RANBP2: variants seen among roughly 807,000 people sequenced by gnomAD.
The protein encoded by RANBP2 is RAN binding protein 2, also known as E3 SUMO-protein ligase RanBP2.
A neutral mutation model predicts 303.6 loss-of-function variants in RANBP2; 57 were observed. That is an observed-to-expected ratio of 0.19 (90% CI 0.15 to 0.23). The LOEUF is 0.23. Ranked by LOEUF, RANBP2 falls within the 10% of genes least tolerant of loss-of-function variation. The pLI is 1.00. For synonymous variants in RANBP2, 1,167 were observed against 1,301.5 expected, an observed-to-expected ratio of 0.90 and a Z score of 2.23; for missense variants, 3,138 against 3,780.8, an observed-to-expected ratio of 0.83 and a Z score of 4.46.
In RANBP2 at chr2:108,783,608, A is replaced by G. The variant is rs1231282310; in HGVS notation, c.9382A>G (p.Thr3128Ala). 1.9e-6 allele frequency: 3 copies of G among 1,610,654 alleles called. No individual in the cohort carries two copies. Among genetic ancestry groups the G allele is most frequent in the Non-Finnish European group, 2.5e-6 (3 of 1,178,014 alleles). Reference sequence around the variant, plus strand: ...ATCTTTTTTTCAGGGAGGAGATATCACCAAACATGATGGAACAGGCGGACA... The same window carrying G: ...ATCTTTTTTTCAGGGAGGAGATATCGCCAAACATGATGGAACAGGCGGACA... ...PDFVCQGGDI[T>A]KHDGTGGQSI... Residue 3128 changes from threonine (T) to alanine (A), a missense_variant, in exon 29 of 29, where the codon ACC (threonine) becomes GCC (alanine). By Grantham distance (58) the Thr-to-Ala change is moderately conservative. This residue lies in a region of RANBP2 where 204 missense variants were observed against 228.4 expected (regional missense o/e 0.89). Transcript: ENST00000283195.
chr2:109,419,897 C>T, the RANBP2 span, among the ~76,000 whole-genome samples: 4 of 152,190 alleles, frequency 2.6e-5, no homozygotes, highest in Non-Finnish European at 5.9e-5. Context: ...GTGCAGTTCC[C>T]AGTCAACAGG....
At chr2:109,416,240 T>C in the RANBP2 span, among the ~76,000 whole-genome samples, 3 of 152,142 alleles carry the variant, frequency 2.0e-5, no homozygotes, top group Non-Finnish European at 4.4e-5. Context: ...CCAGCCCAGG[T>C]TGGGTACCTG....
the RANBP2 span, among the ~76,000 whole-genome samples, chr2:109,306,087 T>G: frequency 2.6e-5 from 4 of 152,212 alleles, no homozygotes; most frequent in Non-Finnish European, 4.4e-5. Flanking sequence ...GGGATATTGC[T>G]TTTGTCTACC....
the RANBP2 span, among the ~76,000 whole-genome samples, chr2:109,212,971 C>T: frequency 2.6e-5 from 4 of 152,184 alleles, no homozygotes; most frequent in African/African-American, 9.6e-5. Context: ...ATGCTGCCCA[C>T]ACATCCCAGG....
chr2:108,817,330 G>A, the RANBP2 span, among the ~76,000 whole-genome samples: 7 of 150,494 alleles, frequency 4.7e-5, no homozygotes, highest in Non-Finnish European at 7.4e-5. Flanking sequence ...GTTTTGCTCT[G>A]TTGCCAGGCT....
the RANBP2 span, among the ~76,000 whole-genome samples, chr2:109,501,269 C>G: frequency 6.6e-6 from 1 of 151,948 alleles, no homozygotes; most frequent in African/African-American, 2.4e-5. Context: ...CCAGCTTCTT[C>G]GTAGATCAGC....
At chr2:108,815,210 A>G in the RANBP2 span, among the ~76,000 whole-genome samples, 1 of 152,148 alleles carries the variant, frequency 6.6e-6, no homozygotes, top group African/African-American at 2.4e-5. Context: ...GATAAGTTTC[A>G]TAGTGGAAAT....
the RANBP2 span, among the ~76,000 whole-genome samples, chr2:109,600,009 A>G: frequency 6.6e-6 from 1 of 152,142 alleles, no homozygotes; most frequent in Admixed American, 6.5e-5. Flanking sequence ...TGTGGCCTAC[A>G]AAGATTGCAG....
At chr2:109,202,879 T>C in the RANBP2 span, among the ~76,000 whole-genome samples, 14 of 152,252 alleles carry the variant, frequency 9.2e-5, no homozygotes, top group Non-Finnish European at 2.9e-5. Flanking sequence ...ACTGCTTGGC[T>C]GATTAGCACA....
the RANBP2 span, among the ~76,000 whole-genome samples, chr2:109,347,357 T>C: frequency 6.6e-6 from 1 of 152,154 alleles, no homozygotes; most frequent in Non-Finnish European, 1.5e-5. Context: ...TGTCCCCATC[T>C]GTAAATGAAG....
the RANBP2 span, among the ~76,000 whole-genome samples, chr2:109,374,728 C>T: frequency 1.3e-5 from 2 of 152,230 alleles, no homozygotes; most frequent in African/African-American, 2.4e-5. Flanking sequence ...ATGAAGGTCT[C>T]CTCCACAGCC....
the RANBP2 span, chr2:108,894,503 A>ATAAT: frequency 1.2e-4 from 19 of 152,632 alleles, no homozygotes; most frequent in Admixed American, 1.1e-3. Flanking sequence ...ATTATAAAAT[A>ATAAT]TAATAAGTTA....
At chr2:109,105,657 C>G in the RANBP2 span, among the ~76,000 whole-genome samples, 1 of 152,064 alleles carries the variant, frequency 6.6e-6, no homozygotes, top group Non-Finnish European at 1.5e-5. Context: ...CAGGTTCAAG[C>G]GATTCTCCTG....
intron 1 of RANBP2, among the ~76,000 whole-genome samples, chr2:108,720,804 G>A (rs1337996214): frequency 1.3e-5 from 2 of 152,202 alleles, no homozygotes; most frequent in African/African-American, 2.4e-5. Flanking sequence ...CCACCACTTT[G>A]GGAGGCCGAG....
At chr2:108,787,704 T>C (rs970840782), downstream of RANBP2, among the ~76,000 whole-genome samples, 1 of 152,128 alleles carries the variant, frequency 6.6e-6, no homozygotes, top group African/African-American at 2.4e-5. Context: ...TTGTTTTCTG[T>C]AAGGTTGTTT....
the RANBP2 span, among the ~76,000 whole-genome samples, chr2:109,096,148 G>A: frequency 2.1e-4 from 32 of 152,036 alleles, no homozygotes; most frequent in African/African-American, 7.3e-4. Context: ...AAACCTTACA[G>A]GATCAAATTC....
At chr2:109,615,219 A>T in the RANBP2 span, 8 of 1,546,894 alleles carry the variant, frequency 5.2e-6, no homozygotes, top group South Asian at 8.3e-5. Context: ...CGACTCAGAC[A>T]GCGCATCGGT....
chr2:108,972,177 G>A, the RANBP2 span, among the ~76,000 whole-genome samples: 1 of 152,238 alleles, frequency 6.6e-6, no homozygotes, highest in Non-Finnish European at 1.5e-5. Flanking sequence ...GTTTTAAGCA[G>A]TTACATTTGG....
chr2:109,349,849 G>T, the RANBP2 span, among the ~76,000 whole-genome samples: 82 of 152,372 alleles, frequency 5.4e-4, no homozygotes, highest in African/African-American at 1.9e-3. Flanking sequence ...TGCCCAGGAT[G>T]TGCAACCCCA....
Sources: gnomAD v4.1 joint callset for allele counts (sites outside exome capture counted in the v4.1 genomes callset) on GRCh38, gnomAD v4.1.1 for gene constraint, gnomAD v4.1.1 regional missense constraint, MANE v1.5 for transcripts, NCBI Gene and HGNC (gene_info 2026-07-23, HGNC 2026-07-21) for gene names.